Variants in NR3C2 observed in about 807,000 individuals in gnomAD.
The protein encoded by NR3C2 is mineralocorticoid receptor.
In NR3C2, 15 loss-of-function variants were observed where a neutral mutation model predicts 86.4. The ratio of observed to expected loss-of-function variants is 0.17; its 90% confidence interval spans 0.12 to 0.27. The LOEUF is 0.27. NR3C2 is among the 10% of genes least tolerant of loss of function. NR3C2 has a pLI of 1.00. For synonymous variants in NR3C2, 458 were observed against 450.5 expected (o/e 1.02, Z -0.21); for missense variants, 960 against 1,195.6 (o/e 0.80, Z 2.91).
chr4:148,234,797 T>TTTCTCCCTCTA (rs1738663562), intron 3 of NR3C2, among the ~76,000 whole-genome samples: 1 of 152,116 alleles, frequency 6.6e-6, no homozygotes, highest in Admixed American at 6.6e-5. Context: ...TAACTTGGGT[T>TTTCTCCCTCTA]TTCTCCCTCT....
intron 8 of NR3C2, among the ~76,000 whole-genome samples, chr4:148,097,724 T>C (rs1207369241): frequency 1.3e-5 from 2 of 149,488 alleles, no homozygotes; most frequent in Non-Finnish European, 1.5e-5. Context: ...TCTTAAAACA[T>C]GATGAGACTT....
rs562187949 is a variant in NR3C2 at position 148,247,855 on chromosome 4, G to A, written c.1897+12123C>T. Reference sequence around the variant, plus strand: ...ATGTGTCTTCTCAGCACTTGCTCATGGGTTGATGTTCTAAGTTCTGAACCT... The same window carrying A: ...ATGTGTCTTCTCAGCACTTGCTCATAGGTTGATGTTCTAAGTTCTGAACCT... On this transcript the variant is annotated intron_variant, in intron 3 of 8. Transcript: ENST00000358102. 9.9e-5 allele frequency among the ~76,000 whole-genome samples: 15 copies of A among 152,070 alleles called. No homozygotes were observed. The East Asian group carries it at 2.7e-3, about 27-fold the overall frequency.
upstream of NR3C2, chr4:148,442,647 C>G (rs971435046): frequency 1.9e-5 from 19 of 985,348 alleles, no homozygotes; most frequent in Non-Finnish European, 2.3e-5. Flanking sequence ...TTGGACAATC[C>G]AGGCTGTCAG....
intron 2 of NR3C2, among the ~76,000 whole-genome samples, chr4:148,328,917 A>G (rs1189265409): frequency 6.6e-6 from 1 of 152,208 alleles, no homozygotes; most frequent in Non-Finnish European, 1.5e-5. Context: ...TGAGTCTCCA[A>G]ATATACTTCT....
chr4:148,234,118 T>C (rs571122766), intron 3 of NR3C2, among the ~76,000 whole-genome samples: 73 of 152,252 alleles, frequency 4.8e-4, no homozygotes, highest in Non-Finnish European at 9.0e-4. Flanking sequence ...CCACAAGCAA[T>C]CTCCCAAAAG....
chr4:148,098,474 CA>C (rs142296541), intron 8 of NR3C2, among the ~76,000 whole-genome samples: 10,215 of 148,932 alleles, frequency 0.069, 1,162 homozygotes, highest in African/African-American at 0.23. Flanking sequence ...CACAAAAATG[CA>C]AAAAAAAACA....
At chr4:148,430,384 A>G (rs1749744767) in intron 2 of NR3C2, among the ~76,000 whole-genome samples, 1 of 152,146 alleles carries the variant, frequency 6.6e-6, no homozygotes, top group Non-Finnish European at 1.5e-5. Flanking sequence ...ACAAAAGTAC[A>G]CTGTACATAG....
intron 6 of NR3C2, among the ~76,000 whole-genome samples, chr4:148,124,473 A>C (rs1057078792): frequency 6.6e-6 from 1 of 152,160 alleles, no homozygotes; most frequent in Admixed American, 6.5e-5. Flanking sequence ...ATTCTCCTGA[A>C]GGTAGCCTGC....
intron 3 of NR3C2, among the ~76,000 whole-genome samples, chr4:148,198,379 CCCA>C (rs1736538942): frequency 6.6e-6 from 1 of 152,044 alleles, no homozygotes; most frequent in African/African-American, 2.4e-5. Flanking sequence ...TTGGCCTGGT[CCCA>C]ACTGAGAAAA....
intron 4 of NR3C2, among the ~76,000 whole-genome samples, chr4:148,157,465 A>G (rs1044499111): frequency 7.2e-5 from 11 of 152,194 alleles, no homozygotes; most frequent in Non-Finnish European, 1.6e-4. Flanking sequence ...AAAGTTTAAG[A>G]AATATAAGAT....
At chr4:148,339,312 T>C in intron 2 of NR3C2, among the ~76,000 whole-genome samples, 1 of 152,176 alleles carries the variant, frequency 6.6e-6, no homozygotes, top group East Asian at 1.9e-4. Context: ...ATTCAATGAA[T>C]GGCTTGACTT....
At chr4:148,109,576 A>C (rs1731959017) in intron 8 of NR3C2, among the ~76,000 whole-genome samples, 1 of 152,332 alleles carries the variant, frequency 6.6e-6, no homozygotes, top group East Asian at 1.9e-4. Context: ...ATTATGCTCC[A>C]GTCACCTCTG....
intron 2 of NR3C2, among the ~76,000 whole-genome samples, chr4:148,274,448 T>C (rs1159505890): frequency 2.0e-5 from 3 of 152,116 alleles, no homozygotes; most frequent in Non-Finnish European, 2.9e-5. Context: ...GGGAGGTGTA[T>C]GGATCATGGG....
In NR3C2 at chr4:148,197,623, G is replaced by A. The variant is rs13144897; in HGVS notation, c.1898-2761C>T. ...AAAAACAGAGACCTTCAAATGCCAG[G>A]ATTGTTCTAAAAGGATTTTAAAAAA... On this transcript the variant is annotated intron_variant, in intron 3 of 8. Coordinates refer to ENST00000358102, the MANE Select transcript of NR3C2 (RefSeq NM_000901.5). Among the ~76,000 whole-genome samples the A allele has an allele frequency of 1.5e-3, 228 of 152,130 alleles. 1 individual carries two copies. The highest frequency in any genetic ancestry group is 2.3e-3 in the Non-Finnish European group (156 of 67,966).
intron 4 of NR3C2, among the ~76,000 whole-genome samples, chr4:148,177,137 A>T (rs1735415830): frequency 1.3e-5 from 2 of 152,244 alleles, no homozygotes; most frequent in Non-Finnish European, 2.9e-5. Context: ...CAGCAAATGA[A>T]GTGCTCAGCA....
chr4:148,270,577 C>CCACTCCTCAAAATATTTAAAAT (rs1404343410), intron 2 of NR3C2, among the ~76,000 whole-genome samples: 6 of 152,038 alleles, frequency 3.9e-5, no homozygotes, highest in African/African-American at 1.4e-4. Context: ...AGTGGAATTA[C>CCACTCCTCAAAATATTTAAAAT]CACTCCTCAA....
At chr4:148,122,523 T>C (rs1013165492) in intron 6 of NR3C2, among the ~76,000 whole-genome samples, 1 of 152,212 alleles carries the variant, frequency 6.6e-6, no homozygotes, top group African/African-American at 2.4e-5. Context: ...GTTATCATGA[T>C]TACTGACAAG....
intron 2 of NR3C2, among the ~76,000 whole-genome samples, chr4:148,290,368 A>G (rs1741740265): frequency 6.6e-6 from 1 of 152,198 alleles, no homozygotes; most frequent in South Asian, 2.1e-4. Flanking sequence ...GAGGGGGCAA[A>G]GAGAGAAGCA....
intron 2 of NR3C2, among the ~76,000 whole-genome samples, chr4:148,359,555 T>C (rs73853726): frequency 0.043 from 6,599 of 152,246 alleles, 457 homozygotes; most frequent in African/African-American, 0.15. Flanking sequence ...TGTGCCAAAA[T>C]AAACTAGTCA....
Sources: gnomAD v4.1 joint callset for allele counts (sites outside exome capture counted in the v4.1 genomes callset) on GRCh38, gnomAD v4.1.1 for gene constraint, MANE v1.5 for transcripts, NCBI Gene and HGNC (gene_info 2026-07-23, HGNC 2026-07-21) for gene names.